FANCL: variants seen among roughly 807,000 people sequenced by gnomAD.
FANCL encodes FA complementation group L.
FANCL carries 69 observed loss-of-function variants against 59.4 expected under a neutral mutation model. That is an observed-to-expected ratio of 1.16 (90% CI 0.96 to 1.42). The LOEUF (loss-of-function observed/expected upper bound fraction) is 1.42. Among genes scored for constraint, FANCL ranks in the 40% most tolerant of loss-of-function variants. FANCL has a pLI of 0.00. For missense variants in FANCL, 519 were observed against 447.2 expected (o/e 1.16, Z -1.45); for synonymous variants, 180 against 147.1 (o/e 1.22, Z -1.62).
intron 1 of FANCL, among the ~76,000 whole-genome samples, chr2:58,234,222 T>C (rs1693820580): frequency 6.6e-6 from 1 of 151,870 alleles, no homozygotes; most frequent in Non-Finnish European, 1.5e-5. Flanking sequence ...CAAATTATAA[T>C]AATAAATGAA....
chr2:58,173,453 C>G (rs1573567262), intron 7 of FANCL, among the ~76,000 whole-genome samples: 1 of 152,182 alleles, frequency 6.6e-6, no homozygotes, highest in Non-Finnish European at 1.5e-5. Flanking sequence ...AGAAACTCTA[C>G]AAGCCAGAAG....
At chr2:58,185,781 A>C (rs935598914) in intron 7 of FANCL, among the ~76,000 whole-genome samples, 3 of 152,202 alleles carry the variant, frequency 2.0e-5, no homozygotes, top group Admixed American at 2.0e-4. Context: ...GCACAAGTTA[A>C]GGAATCAGGA....
intron 7 of FANCL, among the ~76,000 whole-genome samples, chr2:58,174,203 C>G (rs571266013): frequency 2.6e-5 from 4 of 152,180 alleles, no homozygotes; most frequent in East Asian, 3.9e-4. Context: ...AATTTAACAC[C>G]CCACTGTCAA....
intron 5 of FANCL, among the ~76,000 whole-genome samples, chr2:58,213,271 G>A (rs964948940): frequency 2.6e-5 from 4 of 152,136 alleles, no homozygotes; most frequent in African/African-American, 4.8e-5. Context: ...CTCCTCAGGC[G>A]GGGCCTTAAA....
chr2:58,205,256 G>A (rs1180087581), intron 5 of FANCL, among the ~76,000 whole-genome samples: 1 of 151,972 alleles, frequency 6.6e-6, no homozygotes, highest in Non-Finnish European at 1.5e-5. Flanking sequence ...CAATGAAGTT[G>A]TGAAACACTG....
chr2:58,233,994 T>C (rs1274508896), intron 1 of FANCL, among the ~76,000 whole-genome samples: 1 of 152,054 alleles, frequency 6.6e-6, no homozygotes. Flanking sequence ...CAACATTTCA[T>C]CCATTAAATA....
chr2:58,220,608 T>A (rs993918439), intron 5 of FANCL, among the ~76,000 whole-genome samples: 2 of 152,234 alleles, frequency 1.3e-5, no homozygotes, highest in Non-Finnish European at 2.9e-5. Context: ...TCTTTAGTTA[T>A]CAGGTAATGG....
intron 7 of FANCL, among the ~76,000 whole-genome samples, chr2:58,177,484 A>G (rs1687455529): frequency 1.3e-5 from 2 of 151,958 alleles, no homozygotes; most frequent in South Asian, 4.2e-4. Flanking sequence ...CTTTGTAGGG[A>G]CATGGATGAA....
chr2:58,203,631 C>G (rs1468051649), intron 6 of FANCL, among the ~76,000 whole-genome samples: 1 of 152,000 alleles, frequency 6.6e-6, no homozygotes, highest in Non-Finnish European at 1.5e-5. Flanking sequence ...GGCATAACCT[C>G]TGCAAATTCT....
intron 4 of FANCL, among the ~76,000 whole-genome samples, chr2:58,224,618 T>A (rs1293288878): frequency 1.3e-5 from 2 of 151,868 alleles, no homozygotes; most frequent in African/African-American, 4.8e-5. Context: ...AGGAATAAAA[T>A]GGTCTCAACA....
chr2:58,163,426 T>C lies in FANCL; in HGVS notation c.775+8A>G. On this transcript the variant is annotated splice_region_variant and intron_variant, in intron 9 of 13. Transcript: ENST00000233741. ...TATTAAAAAACGTTTAAATCTCAGA[T>C]GTCATACCATGGTCAGCTCCAAGAA... The C allele has an allele frequency of 6.3e-7, 1 of 1,589,050 alleles. No homozygotes were observed. The highest frequency in any genetic ancestry group is 8.6e-7 in the Non-Finnish European group (1 of 1,157,550).
intron 6 of FANCL, among the ~76,000 whole-genome samples, chr2:58,201,977 T>A (rs907844535): frequency 6.6e-6 from 1 of 151,714 alleles, no homozygotes. Flanking sequence ...ATAAAAAAAA[T>A]TCAGCATTCC....
intron 7 of FANCL, among the ~76,000 whole-genome samples, chr2:58,193,755 A>C (rs1689163120): frequency 6.6e-6 from 1 of 152,168 alleles, no homozygotes; most frequent in Non-Finnish European, 1.5e-5. Flanking sequence ...ATTACAGTGA[A>C]AAACTAGGGG....
Position 58,159,285 on chromosome 2 carries a change from A to G in FANCL, c.*480T>C, listed in dbSNP as rs1202368122. 1.5e-6 allele frequency: 2 copies of G among 1,309,262 alleles called. No homozygotes were observed. Among genetic ancestry groups the G allele is most frequent in the African/African-American group, 3.0e-5 (2 of 67,550 alleles). 81.1% of individuals were successfully genotyped at this position (1,309,262 alleles called of 1,614,324 possible). Reference sequence around the variant, plus strand: ...TTTATTTAGCATTCTTACACACTACACAAAATAAATACTTGGATAACTCAC... The same window carrying G: ...TTTATTTAGCATTCTTACACACTACGCAAAATAAATACTTGGATAACTCAC... On this transcript the variant is annotated 3_prime_UTR_variant, in exon 14 of 14. Transcript: ENST00000233741.
At chr2:58,210,546 T>C (rs1200914595) in intron 5 of FANCL, among the ~76,000 whole-genome samples, 1 of 152,094 alleles carries the variant, frequency 6.6e-6, no homozygotes, top group Non-Finnish European at 1.5e-5. Flanking sequence ...AAACCAATCA[T>C]GCCTTCCCAA....
intron 7 of FANCL, among the ~76,000 whole-genome samples, chr2:58,191,710 T>G (rs543915969): frequency 1.1e-3 from 169 of 151,978 alleles, no homozygotes; most frequent in African/African-American, 4.0e-3. Flanking sequence ...TGTGTATAAA[T>G]CCACAAATAT....
chr2:58,161,934 A>T (rs1052317695), intron 11 of FANCL, among the ~76,000 whole-genome samples: 1 of 151,884 alleles, frequency 6.6e-6, no homozygotes, highest in African/African-American at 2.4e-5. Context: ...TATTATAGGA[A>T]ATATAATTAC....
At chr2:58,188,032 T>G (rs1688578918) in intron 7 of FANCL, among the ~76,000 whole-genome samples, 2 of 152,230 alleles carry the variant, frequency 1.3e-5, no homozygotes, top group Non-Finnish European at 2.9e-5. Flanking sequence ...TCCCTGTGTT[T>G]CTTCTAGAAG....
At chr2:58,162,225 A>G (rs565679072) in intron 11 of FANCL, among the ~76,000 whole-genome samples, 86 of 152,046 alleles carry the variant, frequency 5.7e-4, no homozygotes, top group Middle Eastern at 3.4e-3. Flanking sequence ...TCAAAAATCA[A>G]TTCTATTATT....
Sources: allele counts gnomAD v4.1 joint callset (sites outside exome capture counted in the v4.1 genomes callset), GRCh38; gene constraint gnomAD v4.1.1; transcripts MANE v1.5; gene names NCBI Gene and HGNC (gene_info 2026-07-23, HGNC 2026-07-21).